Variants in ENOX2 observed in about 807,000 individuals in gnomAD.
The protein encoded by ENOX2 is APK1 antigen.
In ENOX2, 36 loss-of-function variants were observed where a neutral mutation model predicts 45.0. The ratio of observed to expected loss-of-function variants is 0.80; its 90% CI spans 0.61 to 1.06. The LOEUF (loss-of-function observed/expected upper bound fraction) is 1.06, where lower values mean the gene tolerates loss of function less well. Among genes scored for constraint, ENOX2 ranks in the 50% least tolerant of loss-of-function variants. The pLI is 0.00. For missense variants in ENOX2, 423 were observed against 462.5 expected, an observed-to-expected ratio of 0.91 and a Z score of 0.78; for synonymous variants, 174 against 152.3, an observed-to-expected ratio of 1.14 and a Z score of -1.05.
chrX:130,763,053 C>T (rs2039530122), intron 3 of ENOX2, among the ~76,000 whole-genome samples: 2 of 112,199 alleles, frequency 1.8e-5, no homozygotes, highest in South Asian at 3.7e-4. Context: ...TGAATTGATA[C>T]TTTTATCACT....
chrX:130,667,455 T>G, intron 8 of ENOX2, 75 bp downstream of exon 8: 20 of 948,048 alleles, frequency 2.1e-5, no homozygotes, highest in Non-Finnish European at 3.0e-5. Flanking sequence ...TCTGGAGGCC[T>G]GAGCTCCCAT....
intron 12 of ENOX2, 32 bp downstream of exon 12, chrX:130,634,952 C>A: frequency 1.3e-6 from 1 of 794,666 alleles, no homozygotes. Flanking sequence ...GGTAAAGGGG[C>A]AAGGAAAAAG....
chrX:130,839,325 C>T (rs954378865), intron 2 of ENOX2, among the ~76,000 whole-genome samples: 1 of 111,341 alleles, frequency 9.0e-6, no homozygotes, highest in Non-Finnish European at 1.9e-5. Flanking sequence ...ATTTGGATCA[C>T]GGTTTCCTCA....
At chrX:130,809,680 G>C (rs1416571717) in intron 2 of ENOX2, among the ~76,000 whole-genome samples, 1 of 111,192 alleles carries the variant, frequency 9.0e-6, no homozygotes, top group Non-Finnish European at 1.9e-5. Flanking sequence ...ATTAGGAAAG[G>C]GGTACATTTT....
intron 3 of ENOX2, among the ~76,000 whole-genome samples, chrX:130,717,524 T>C (rs1424717903): frequency 8.9e-6 from 1 of 112,070 alleles, no homozygotes; most frequent in Admixed American, 9.5e-5. Flanking sequence ...CTTGAGAAAC[T>C]AACTCATATG....
At chrX:130,896,619 G>A (rs1301088158) in intron 2 of ENOX2, among the ~76,000 whole-genome samples, 1 of 111,595 alleles carries the variant, frequency 9.0e-6, no homozygotes, top group Non-Finnish European at 1.9e-5. Flanking sequence ...ATAATTCATC[G>A]AATGAAGTGA....
chrX:130,704,295 A>G (rs777637974), intron 3 of ENOX2, among the ~76,000 whole-genome samples: 8 of 111,666 alleles, frequency 7.2e-5, no homozygotes, highest in Non-Finnish European at 1.5e-4. Flanking sequence ...GAAAGAATGG[A>G]CCAGATTTAT....
chrX:130,726,082 C>T (rs2038597477), intron 3 of ENOX2, among the ~76,000 whole-genome samples: 1 of 111,998 alleles, frequency 8.9e-6, no homozygotes, highest in South Asian at 3.7e-4. Context: ...GAGTATCTCT[C>T]AGGTTGGACG....
chrX:130,749,170 G>T (rs2039158674), intron 3 of ENOX2, among the ~76,000 whole-genome samples: 1 of 111,873 alleles, frequency 8.9e-6, no homozygotes, highest in South Asian at 3.7e-4. Context: ...AAAGTCCCTT[G>T]AAGACATTTA....
intron 4 of ENOX2, among the ~76,000 whole-genome samples, chrX:130,697,018 T>C (rs1432587088): frequency 9.0e-6 from 1 of 111,654 alleles, no homozygotes; most frequent in African/African-American, 3.3e-5. Context: ...TTTATTTTTT[T>C]ATAAATTATT....
intron 2 of ENOX2, among the ~76,000 whole-genome samples, chrX:130,849,293 T>G (rs965753977): frequency 8.9e-6 from 1 of 112,533 alleles, no homozygotes; most frequent in Non-Finnish European, 1.9e-5. Context: ...GAACTACCTA[T>G]ATATGTTCCA....
intron 10 of ENOX2, among the ~76,000 whole-genome samples, chrX:130,638,943 C>T (rs1014566187): frequency 6.3e-5 from 7 of 111,042 alleles, no homozygotes; most frequent in Admixed American, 1.9e-4. Flanking sequence ...GCTGAGATCA[C>T]GCCACTACAC....
chrX:130,877,055 C>T (rs1388658941), intron 2 of ENOX2, among the ~76,000 whole-genome samples: 4 of 111,673 alleles, frequency 3.6e-5, no homozygotes. Context: ...TTTTAAAATG[C>T]TTATATTACA....
chrX:130,816,928 G>A (rs2077497775), intron 2 of ENOX2, among the ~76,000 whole-genome samples: 1 of 111,735 alleles, frequency 8.9e-6, no homozygotes, highest in African/African-American at 3.3e-5. Context: ...CAGAACTGAA[G>A]GAGATAGAGA....
chrX:130,702,256 C>T (rs752487227), intron 4 of ENOX2, among the ~76,000 whole-genome samples: 11 of 111,311 alleles, frequency 9.9e-5, no homozygotes, highest in African/African-American at 2.9e-4. Context: ...GGGGACCTTG[C>T]GAAAATGCAG....
At chrX:130,784,656 T>C (rs1235274230) in intron 2 of ENOX2, among the ~76,000 whole-genome samples, 1 of 105,570 alleles carries the variant, frequency 9.5e-6, no homozygotes, top group South Asian at 4.7e-4. Context: ...AGCATGATCT[T>C]GGCTCACTGC....
chrX:130,653,723 C>G (rs2036467812), intron 10 of ENOX2, among the ~76,000 whole-genome samples: 1 of 112,277 alleles, frequency 8.9e-6, no homozygotes, highest in Non-Finnish European at 1.9e-5. Flanking sequence ...ATATCTCTAT[C>G]TCCATCAGCT....
chrX:130,676,884 A>C (rs768598829), intron 6 of ENOX2, among the ~76,000 whole-genome samples: 28 of 111,615 alleles, frequency 2.5e-4, no homozygotes, highest in Non-Finnish European at 4.9e-4. Context: ...ATCTTGCGGA[A>C]ATAATTATCT....
At chrX:130,645,361 A>G (rs751606434) in intron 10 of ENOX2, among the ~76,000 whole-genome samples, 1 of 111,903 alleles carries the variant, frequency 8.9e-6, no homozygotes, top group East Asian at 2.8e-4. Context: ...TGAGAACCAA[A>G]TAATTATGGT....
Sources: gnomAD v4.1 joint callset for allele counts (sites outside exome capture counted in the v4.1 genomes callset) on GRCh38, gnomAD v4.1.1 for gene constraint, MANE v1.5 for transcripts, NCBI Gene and HGNC (gene_info 2026-07-23, HGNC 2026-07-21) for gene names.